The following SNX8 variants were observed in gnomAD, a reference collection of about 807,000 sequenced individuals.
SNX8 encodes sorting nexin-8.
SNX8 carries 25 observed loss-of-function variants against 51.6 expected under a neutral mutation model. The observed-to-expected ratio is 0.48, with a 90% confidence interval of 0.35 to 0.68. The LOEUF is 0.68. SNX8 is among the 30% of genes least tolerant of loss of function. SNX8 has a pLI of 0.00. For missense variants in SNX8, 695 were observed against 624.0 expected, an observed-to-expected ratio of 1.11 and a Z score of -1.21; for synonymous variants, 324 against 277.0, an observed-to-expected ratio of 1.17 and a Z score of -1.68.
intron 1 of SNX8, among the ~76,000 whole-genome samples, chr7:2,341,859 G>T (rs1395539129): frequency 1.3e-5 from 2 of 151,958 alleles, no homozygotes; most frequent in South Asian, 2.1e-4. Context: ...TGTAATCTGA[G>T]CTACTCGGGA....
At chr7:2,339,402 G>A (rs931085747) in intron 1 of SNX8, among the ~76,000 whole-genome samples, 1 of 150,646 alleles carries the variant, frequency 6.6e-6, no homozygotes, top group African/African-American at 2.4e-5. Context: ...GTAGAGATGG[G>A]GTTTCACCAT....
upstream of SNX8, among the ~76,000 whole-genome samples, chr7:2,316,231 GCATT>G (rs371101313): frequency 8.4e-3 from 1,128 of 134,046 alleles, 16 homozygotes; most frequent in African/African-American, 0.031. Flanking sequence ...ACTGCATCCT[GCATT>G]CATTCATTCA....
intron 1 of SNX8, among the ~76,000 whole-genome samples, chr7:2,348,123 T>TA (rs1779067757): frequency 6.6e-6 from 1 of 152,000 alleles, no homozygotes; most frequent in African/African-American, 2.4e-5. Flanking sequence ...AGAAACTAAG[T>TA]AAAAAAAGCA....
At chr7:2,308,209 C>G (rs1796588587) in intron 1 of SNX8, among the ~76,000 whole-genome samples, 1 of 151,776 alleles carries the variant, frequency 6.6e-6, no homozygotes, top group African/African-American at 2.4e-5. Context: ...TGAGACTCTG[C>G]TACATAGCAG....
chr7:2,351,905 G>GTTTTTTGT (rs1779149640), intron 1 of SNX8, among the ~76,000 whole-genome samples: 2 of 88,324 alleles, frequency 2.3e-5, no homozygotes, highest in Non-Finnish European at 4.5e-5. Flanking sequence ...GTTGTTGTTG[G>GTTTTTTGT]TTTTTTTTTT....
chr7:2,273,075 C>A (rs952446484), intron 3 of SNX8, among the ~76,000 whole-genome samples: 9 of 152,102 alleles, frequency 5.9e-5, no homozygotes, highest in Non-Finnish European at 7.4e-5. Context: ...CTCAGGTGAT[C>A]CGCCCACCTC....
At chr7:2,312,569 C>T (rs1796678479) in intron 1 of SNX8, among the ~76,000 whole-genome samples, 1 of 152,070 alleles carries the variant, frequency 6.6e-6, no homozygotes, top group Admixed American at 6.6e-5. Flanking sequence ...TTCTGAAAGG[C>T]CCTTCTTTCT....
At chr7:2,292,536 C>T (rs568103140) in intron 1 of SNX8, among the ~76,000 whole-genome samples, 2 of 151,970 alleles carry the variant, frequency 1.3e-5, no homozygotes, top group South Asian at 2.1e-4. Flanking sequence ...CTCAGCCTCC[C>T]GAGTAGCTGG....
intron 1 of SNX8, among the ~76,000 whole-genome samples, chr7:2,329,108 C>CA (rs201864914): frequency 0.01 from 1,399 of 134,718 alleles, 34 homozygotes; most frequent in South Asian, 0.097. Context: ...ACAAAACATA[C>CA]AAAATACAAA....
chr7:2,285,313 C>G (rs1193662501), intron 1 of SNX8, among the ~76,000 whole-genome samples: 2 of 152,060 alleles, frequency 1.3e-5, no homozygotes, highest in Non-Finnish European at 2.9e-5. Context: ...TGCTTGAACC[C>G]GGGAGGCAGA....
At chr7:2,313,433 G>A (rs1361790929) in intron 1 of SNX8, among the ~76,000 whole-genome samples, 1 of 151,506 alleles carries the variant, frequency 6.6e-6, no homozygotes, top group East Asian at 2.0e-4. Flanking sequence ...GGCTGAGGCA[G>A]GAGAATCGCT....
chr7:2,267,354 A>G (rs1398213732), intron 5 of SNX8, among the ~76,000 whole-genome samples: 10 of 75,580 alleles, frequency 1.3e-4, no homozygotes, highest in Admixed American at 5.1e-4. Context: ...CTCACCCCAC[A>G]GTCTCCCTCT....
At chr7:2,304,179 AAAAG>A (rs1474433634) in intron 1 of SNX8, among the ~76,000 whole-genome samples, 1 of 149,572 alleles carries the variant, frequency 6.7e-6, no homozygotes, top group African/African-American at 2.5e-5. Flanking sequence ...AAAAAAAAAA[AAAAG>A]AGAGTTGGGG....
At chr7:2,257,105 A>T in intron 9 of SNX8, 82 bp from the exon 10 acceptor site, 1 of 1,448,930 alleles carries the variant, frequency 6.9e-7, no homozygotes. Flanking sequence ...GTGCTCCCTG[A>T]GCCAGGGCGG....
intron 1 of SNX8, among the ~76,000 whole-genome samples, chr7:2,295,232 C>G (rs1796243776): frequency 6.7e-6 from 1 of 150,084 alleles, no homozygotes; most frequent in Non-Finnish European, 1.5e-5. Flanking sequence ...GGTGAAACAG[C>G]ATATCTAATA....
intron 1 of SNX8, among the ~76,000 whole-genome samples, chr7:2,328,210 C>T (rs1778662192): frequency 6.6e-6 from 1 of 152,130 alleles, no homozygotes; most frequent in Admixed American, 6.6e-5. Context: ...TGTCACCACG[C>T]CTGGCTAATT....
In SNX8 at chr7:2,278,243, G is replaced by A. The variant is rs1336115891; in HGVS notation, c.157C>T (p.Arg53Ter). Reference sequence around the variant, plus strand: ...GGGTTCCCCTGCGGCATCTGCATTCGACTGGGGGCTGGGACCTGCTGCACG... The same window carrying A: ...GGGTTCCCCTGCGGCATCTGCATTCAACTGGGGGCTGGGACCTGCTGCACG... ...AIVQQVPAPS[R>*]MQMPQGNPLL... Residue 53 changes from arginine to a stop codon, truncating the protein, a stop_gained, in exon 2 of 11, where the codon CGA (arginine) becomes TGA (stop). Coordinates refer to ENST00000222990, the MANE Select transcript of SNX8 (RefSeq NM_013321.4). LOFTEE classifies it high-confidence loss of function. The A allele has an allele frequency of 5.0e-6, 8 of 1,610,798 alleles. No homozygotes were observed. The highest frequency in any genetic ancestry group is 6.8e-6 in the Non-Finnish European group (8 of 1,177,708).
intron 1 of SNX8, among the ~76,000 whole-genome samples, chr7:2,327,030 G>A (rs1329868070): frequency 6.6e-6 from 1 of 152,140 alleles, no homozygotes; most frequent in Non-Finnish European, 1.5e-5. Flanking sequence ...GAGTGCTTGA[G>A]GCTAGAAGTC....
intron 7 of SNX8, 53 bp downstream of exon 7, chr7:2,263,177 A>C (rs1795377677): frequency 6.3e-7 from 1 of 1,587,794 alleles, no homozygotes; most frequent in Non-Finnish European, 8.6e-7. Context: ...CTCCCCATGC[A>C]AAGGCATAGC....
Sources: allele counts gnomAD v4.1 joint callset (sites outside exome capture counted in the v4.1 genomes callset), GRCh38; gene constraint gnomAD v4.1.1; transcripts MANE v1.5; gene names NCBI Gene and HGNC (gene_info 2026-07-23, HGNC 2026-07-21).